Variants in KAT6A observed in about 807,000 individuals in gnomAD.
KAT6A encodes lysine acetyltransferase 6A.
KAT6A carries 9 observed loss-of-function variants against 198.4 expected under a neutral mutation model. That is an observed-to-expected ratio of 0.05 (90% confidence interval 0.03 to 0.08). The LOEUF is 0.08. Among genes scored for constraint, KAT6A ranks in the 10% least tolerant of loss-of-function variants. KAT6A has a pLI of 1.00. For synonymous variants in KAT6A, 890 were observed against 883.0 expected, an observed-to-expected ratio of 1.01 and a Z score of -0.14; for missense variants, 2,077 against 2,509.9, an observed-to-expected ratio of 0.83 and a Z score of 3.69.
At chr8:42,026,161 T>C (rs931393475) in intron 2 of KAT6A, among the ~76,000 whole-genome samples, 4 of 152,228 alleles carry the variant, frequency 2.6e-5, no homozygotes, top group African/African-American at 7.2e-5. Context: ...CCTTGCTGAA[T>C]TGGTTACTAC....
At chr8:42,014,098 T>G (rs2150910560) in intron 2 of KAT6A, among the ~76,000 whole-genome samples, 1 of 152,234 alleles carries the variant, frequency 6.6e-6, no homozygotes, top group East Asian at 1.9e-4. Flanking sequence ...TATTTTAATA[T>G]TTTTCAACCA....
intron 8 of KAT6A, among the ~76,000 whole-genome samples, chr8:41,960,431 C>T (rs935800126): frequency 2.8e-5 from 4 of 142,364 alleles, no homozygotes; most frequent in African/African-American, 1.0e-4. Flanking sequence ...GGCGAGAACC[C>T]GGGAGGCGGA....
chr8:41,954,803 T>C (rs371346852), intron 9 of KAT6A, among the ~76,000 whole-genome samples: 6 of 152,310 alleles, frequency 3.9e-5, no homozygotes, highest in African/African-American at 1.4e-4. Flanking sequence ...TGGTGAGTGA[T>C]CAATGTTTAT....
At position 41,987,381 on chromosome 8, in the gene KAT6A, C is replaced by T. The variant is rs1824668031; in HGVS notation, c.709+74G>A. 6 of 845,416 alleles carry T rather than the reference C, an allele frequency of 7.1e-6. No individual in the cohort carries two copies. The Admixed American group carries it at 7.6e-5, about 11-fold the overall frequency. 52.4% of individuals were successfully genotyped at this position (845,416 alleles called of 1,614,324 possible). On this transcript the variant is annotated intron_variant, in intron 3 of 16. Transcript: ENST00000265713. ...ATTAATCTCATAAGGATCAAGGATA[C>T]AAACTCAAGTCAACATACTTTCCGC... is the stretch of plus-strand genomic sequence containing the variant.
intron 2 of KAT6A, among the ~76,000 whole-genome samples, chr8:42,037,030 A>G (rs939134861): frequency 5.3e-5 from 8 of 152,276 alleles, no homozygotes; most frequent in Non-Finnish European, 1.2e-4. Context: ...CACTACAGAG[A>G]TGTTGGTTCT....
Position 41,933,904 on chromosome 8 carries a change from T to C in KAT6A, c.4316A>G (p.His1439Arg), listed in dbSNP as rs755323879. The change falls in exon 17 of 17, where the codon CAT becomes CGT. Residue 1439 changes from histidine (H) to arginine (R), a missense_variant. Coordinates refer to ENST00000265713, the MANE Select transcript of KAT6A (RefSeq NM_006766.5). The surrounding 1 kb of genome is among the most constrained non-coding windows in gnomAD (Gnocchi z 6.2). ...CTCACAGTCCTGGTAGGCGCCCTCA[T>C]GCTCACTGCTTTCTTCTTGAGTCAA... ...QSLTQEESSE[H>R]EGAYQDCEET... is the part of the protein sequence containing the mutation. 1 of 1,614,188 alleles carries C rather than the reference T, an allele frequency of 6.2e-7. No homozygotes were observed. The highest frequency in any genetic ancestry group is 1.1e-5 in the South Asian group (1 of 91,088).
Position 41,965,259 on chromosome 8 carries a change from A to G in KAT6A, c.1482+9445T>C, listed in dbSNP as rs146164786. ...TGTTGTAATAAAACTTTATTTACGA[A>G]CGCTAACATTTTTCACATAATTTTC... is the stretch of plus-strand genomic sequence containing the variant. On this transcript the variant is annotated intron_variant, in intron 8 of 16. Coordinates refer to ENST00000265713, the MANE Select transcript of KAT6A (RefSeq NM_006766.5). Among the ~76,000 whole-genome samples, 79 of 152,316 alleles carry G rather than the reference A, an allele frequency of 5.2e-4. 1 individual carries two copies. In the East Asian group the frequency reaches 0.012, roughly 22 times the overall value.
chr8:42,012,846 T>G (rs1430559716), intron 2 of KAT6A, among the ~76,000 whole-genome samples: 2 of 152,148 alleles, frequency 1.3e-5, no homozygotes, highest in African/African-American at 4.8e-5. Flanking sequence ...CAAACTATGG[T>G]GTACCTACCA....
rs1339400190 is a variant in KAT6A at position 41,933,709 on chromosome 8, G to C, written c.4511C>G (p.Ala1504Gly). 1 of 1,613,996 alleles carries C rather than the reference G, an allele frequency of 6.2e-7. No homozygotes were observed. The highest frequency in any genetic ancestry group is 1.3e-5 in the African/African-American group (1 of 74,888). Reference protein sequence around the residue: ...VRSVSSPNVPALESGYTQISP... With the variant: ...VRSVSSPNVPGLESGYTQISP... Reference sequence around the variant, plus strand: ...GATCTGGGTGTAGCCACTCTCAAGGGCAGGCACGTTGGGACTGCTGACCGA... The same window carrying C: ...GATCTGGGTGTAGCCACTCTCAAGGCCAGGCACGTTGGGACTGCTGACCGA... Residue 1504 changes from alanine to glycine, a missense_variant, in exon 17 of 17, where the codon GCC (alanine) becomes GGC (glycine). By Grantham distance (60) the Ala-to-Gly change is moderately conservative. This residue lies in a region of KAT6A where 178 missense variants were observed against 220.8 expected (regional missense o/e 0.81). Transcript: ENST00000265713. The surrounding 1 kb of genome is among the most constrained non-coding windows in gnomAD (Gnocchi z 6.2).
rs115571274 is a variant in KAT6A, at chr8:42,016,863, T to C, written c.601-29300A>G. Among the ~76,000 whole-genome samples, 263 of 152,196 alleles carry C rather than the reference T, an allele frequency of 1.7e-3. 1 individual carries two copies. The highest frequency in any genetic ancestry group is 5.9e-3 in the African/African-American group (245 of 41,552). On this transcript the variant is annotated intron_variant, in intron 2 of 16. Coordinates refer to ENST00000265713, the MANE Select transcript of KAT6A (RefSeq NM_006766.5). ...AGTTTTTCAAAATATATTTTATATA[T>C]TACTAAACTATCCAAATGACTCTGG...
chr8:41,994,542 C>T (rs1825099760), intron 2 of KAT6A, among the ~76,000 whole-genome samples: 2 of 151,924 alleles, frequency 1.3e-5, no homozygotes, highest in African/African-American at 4.8e-5. Context: ...AGGAAGTCAC[C>T]TTCTCAGTAA....
intron 9 of KAT6A, among the ~76,000 whole-genome samples, chr8:41,951,940 T>C (rs745466248): frequency 3.9e-5 from 6 of 152,200 alleles, no homozygotes; most frequent in African/African-American, 4.8e-5. Context: ...TGGTTATGGC[T>C]ATGCAGTAAG....
At chr8:41,963,070 T>C (rs1266888737) in intron 8 of KAT6A, among the ~76,000 whole-genome samples, 2 of 152,212 alleles carry the variant, frequency 1.3e-5, no homozygotes, top group African/African-American at 4.8e-5. Context: ...CCACATGGCA[T>C]ACCATTTATT....
At chr8:42,045,900 G>T (rs957053276) in intron 2 of KAT6A, among the ~76,000 whole-genome samples, 2 of 151,670 alleles carry the variant, frequency 1.3e-5, no homozygotes, top group South Asian at 4.2e-4. Flanking sequence ...CAGAAGAATC[G>T]CTTGAACCCG....
At chr8:42,017,319 A>G (rs1385982708) in intron 2 of KAT6A, among the ~76,000 whole-genome samples, 1 of 152,220 alleles carries the variant, frequency 6.6e-6, no homozygotes, top group East Asian at 1.9e-4. Context: ...ACACTGAAAA[A>G]TAAACAAAAA....
intron 2 of KAT6A, among the ~76,000 whole-genome samples, chr8:42,018,693 T>C (rs1048931671): frequency 1.3e-5 from 2 of 151,838 alleles, no homozygotes; most frequent in Non-Finnish European, 2.9e-5. Context: ...GAGGCCGAGG[T>C]GGATGGATCA....
intron 2 of KAT6A, among the ~76,000 whole-genome samples, chr8:42,033,596 T>G (rs1417984475): frequency 6.6e-6 from 1 of 152,200 alleles, no homozygotes; most frequent in Non-Finnish European, 1.5e-5. Flanking sequence ...GCTTCCCCAC[T>G]TCACTAACTT....
At chr8:42,018,825 G>A (rs1478861121) in intron 2 of KAT6A, among the ~76,000 whole-genome samples, 3 of 152,118 alleles carry the variant, frequency 2.0e-5, no homozygotes, top group African/African-American at 7.2e-5. Flanking sequence ...GGAGGCTGAG[G>A]CCGGAGAATA....
intron 2 of KAT6A, among the ~76,000 whole-genome samples, chr8:42,028,897 T>C (rs780319415): frequency 4.6e-5 from 7 of 152,198 alleles, no homozygotes; most frequent in Non-Finnish European, 1.0e-4. Flanking sequence ...TAGTGAGTTT[T>C]ATGTATTTGC....
Sources: gnomAD v4.1 joint callset for allele counts (sites outside exome capture counted in the v4.1 genomes callset) on GRCh38, gnomAD v4.1.1 for gene constraint, gnomAD v4.1.1 regional missense constraint, Gnocchi (gnomAD v3.1) non-coding constraint, MANE v1.5 for transcripts, NCBI Gene and HGNC (gene_info 2026-07-23, HGNC 2026-07-21) for gene names.